MYOM3: variants seen among roughly 807,000 people sequenced by gnomAD.
The protein encoded by MYOM3 is myomesin 3.
In MYOM3, 155 loss-of-function variants were observed where a neutral mutation model predicts 191.7. That is an observed-to-expected ratio of 0.81 (90% CI 0.71 to 0.92). The LOEUF (loss-of-function observed/expected upper bound fraction) is 0.92. Ranked by LOEUF, MYOM3 falls within the 40% of genes least tolerant of loss-of-function variation. The pLI is 0.00. For missense variants in MYOM3, 1,889 were observed against 1,890.6 expected (o/e 1.00, Z 0.02); for synonymous variants, 757 against 762.9 (o/e 0.99, Z 0.13).
intron 28 of MYOM3, chr1:24,066,306 C>T (rs10903076): frequency 0.16 from 109,514 of 698,130 alleles, 9,648 homozygotes; most frequent in Middle Eastern, 0.26. Context: ...CTGCCCCATC[C>T]GGGTCAAGCA....
rs1041679782 is a variant in MYOM3, at chr1:24,094,843, G to T, written c.928+10C>A. The T allele has an allele frequency of 4.4e-6, 7 of 1,607,974 alleles. No individual in the cohort carries two copies. Among genetic ancestry groups the T allele is most frequent in the Non-Finnish European group, 5.9e-6 (7 of 1,176,666 alleles). On this transcript the variant is annotated intron_variant, in intron 9 of 36. Transcript: ENST00000374434. ...TCTGGAGGCTGGGGGCCAGGACTGGGGGTCCTTACCATCTCGGAACCACTG... is the reference window on the plus strand; with the variant it reads ...TCTGGAGGCTGGGGGCCAGGACTGGTGGTCCTTACCATCTCGGAACCACTG...
chr1:24,108,173 C>T, intron 2 of MYOM3, 100 bp from the exon 3 acceptor site: 3 of 1,161,274 alleles, frequency 2.6e-6, no homozygotes, highest in South Asian at 1.5e-5. Flanking sequence ...AGGGCACCAG[C>T]AGGCAGGGCT....
chr1:24,073,951 G>C (rs966549965), intron 23 of MYOM3, among the ~76,000 whole-genome samples: 1 of 151,458 alleles, frequency 6.6e-6, no homozygotes, highest in Non-Finnish European at 1.5e-5. Flanking sequence ...TGTCTGTTGA[G>C]TTCACTGATG....
intron 35 of MYOM3, among the ~76,000 whole-genome samples, chr1:24,059,842 G>T (rs1300589406): frequency 2.0e-5 from 3 of 152,154 alleles, no homozygotes; most frequent in African/African-American, 7.2e-5. Flanking sequence ...GGAACAGGAC[G>T]GGTGGTCAGC....
intron 20 of MYOM3, among the ~76,000 whole-genome samples, chr1:24,078,096 G>A (rs12065498): frequency 0.4 from 61,450 of 151,738 alleles, 12,751 homozygotes; most frequent in Non-Finnish European, 0.43. Flanking sequence ...GACCAGAATG[G>A]ACCATTTAGT....
At chr1:24,091,900 CG>C (rs1317109163) in intron 11 of MYOM3, among the ~76,000 whole-genome samples, 1 of 152,208 alleles carries the variant, frequency 6.6e-6, no homozygotes, top group Non-Finnish European at 1.5e-5. Flanking sequence ...AAGCACTCCC[CG>C]TTTTGCCCCT....
Position 24,057,468 on chromosome 1 carries a change from G to C in MYOM3, c.4210C>G (p.Arg1404Gly). The C allele has an allele frequency of 1.2e-6, 2 of 1,614,204 alleles. No individual in the cohort carries two copies. The highest frequency in any genetic ancestry group is 1.7e-6 in the Non-Finnish European group (2 of 1,180,042). Residue 1404 changes from arginine to glycine, a missense_variant, in exon 37 of 37, where the codon CGC (arginine) becomes GGC (glycine). Coordinates refer to ENST00000374434, the MANE Select transcript of MYOM3 (RefSeq NM_152372.4). ...TTGTTCTTGACGAAGACGCCGTAGCGGCCGCTGTCTTCACTGTTGACCTTC... is the reference window on the plus strand; with the variant it reads ...TTGTTCTTGACGAAGACGCCGTAGCCGCCGCTGTCTTCACTGTTGACCTTC... Reference protein sequence around the residue: ...IEKVNSEDSGRYGVFVKNKYG... With the variant: ...IEKVNSEDSGGYGVFVKNKYG...
intron 36 of MYOM3, 133 bp from the exon 37 acceptor site, chr1:24,057,760 T>C (rs1643320795): frequency 5.9e-6 from 4 of 676,230 alleles, no homozygotes; most frequent in Non-Finnish European, 9.9e-6. Context: ...TTTATTATAA[T>C]TTATAAAGGG....
intron 14 of MYOM3, 75 bp from the exon 15 acceptor site, chr1:24,086,902 T>C: frequency 6.8e-7 from 1 of 1,463,472 alleles, no homozygotes; most frequent in Non-Finnish European, 9.4e-7. Context: ...TCCCATGATC[T>C]CTGTCCCCAG....
intron 23 of MYOM3, 36 bp downstream of exon 23, chr1:24,074,124 C>A: frequency 6.5e-7 from 1 of 1,533,924 alleles, no homozygotes; most frequent in South Asian, 1.1e-5. Context: ...GACTCTCTCT[C>A]TGGGGAGGTG....
intron 25 of MYOM3, 147 bp downstream of exon 25, chr1:24,070,970 C>T: frequency 9.8e-7 from 1 of 1,017,270 alleles, no homozygotes; most frequent in Non-Finnish European, 1.4e-6. Flanking sequence ...GTTCCCATCC[C>T]GTCCTCATCA....
chr1:24,077,793 C>T (rs553166162), intron 20 of MYOM3, among the ~76,000 whole-genome samples: 2 of 152,286 alleles, frequency 1.3e-5, no homozygotes, highest in South Asian at 2.1e-4. Context: ...ATGCAGAAGC[C>T]GGTGCCAGAT....
At position 24,089,572 on chromosome 1, in the gene MYOM3, C is replaced by A. The variant is rs202159823; in HGVS notation, c.1580G>T (p.Arg527Leu). 6.3e-7 allele frequency: 1 copy of A among 1,598,608 alleles called. No homozygotes were observed. Among genetic ancestry groups the A allele is most frequent in the South Asian group, 1.1e-5 (1 of 88,076 alleles). The change falls in exon 14 of 37, where the codon CGG becomes CTG. Residue 527 changes from arginine to leucine, a missense_variant. Transcript: ENST00000374434. ...VVLAWEEPSP[R>L]DRAPLTYSLE... is the part of the protein sequence containing the mutation. ...GGAGTACGTCAGTGGTGCTCTGTCC[C>A]GGGGGCTGGGCTCCTCCCAGGCCAG...
rs976675197 is a variant in MYOM3, at chr1:24,066,397, G to A, written c.3424-396C>T. Reference sequence around the variant, plus strand: ...AGAGACCACTTCATCATCTTTGTACGTTCAGTACCGTGCAGAGTGGCACAA... The same window carrying A: ...AGAGACCACTTCATCATCTTTGTACATTCAGTACCGTGCAGAGTGGCACAA... On this transcript the variant is annotated intron_variant, in intron 28 of 36. Transcript: ENST00000374434. 7.2e-5 allele frequency: 44 copies of A among 611,682 alleles called. 1 individual carries two copies. The highest frequency in any genetic ancestry group is 2.2e-4 in the African/African-American group (12 of 54,046). 37.9% of individuals were successfully genotyped at this position (611,682 alleles called of 1,614,324 possible).
chr1:24,111,742 C>CTT lies in MYOM3; in HGVS notation c.-19+287_-19+288dup, dbSNP rs1235567214. Among the ~76,000 whole-genome samples, 31 of 143,066 alleles carry CTT rather than the reference C, an allele frequency of 2.2e-4. No homozygotes were observed. The highest frequency in any genetic ancestry group is 4.0e-4 in the East Asian group (2 of 4,940). The allele number at this position is 143,066 out of a possible 152,430, so 93.9% of individuals were successfully genotyped here. A position where few individuals can be genotyped will look rare whatever the true frequency, so the allele number is the denominator to read the frequency against. On this transcript the variant is annotated intron_variant, in intron 1 of 36. Coordinates refer to ENST00000374434, the MANE Select transcript of MYOM3 (RefSeq NM_152372.4). The surrounding 1 kb of genome is among the most constrained non-coding windows in gnomAD (Gnocchi z 4.7). ...TCCAGTTCCCAGGGCAGCCCCCACT[C>CTT]TTTTTTTTTTTTTTGCAACTTTCAC...
At chr1:24,068,818 T>C (rs1207977245) in intron 25 of MYOM3, among the ~76,000 whole-genome samples, 1 of 152,010 alleles carries the variant, frequency 6.6e-6, no homozygotes, top group Non-Finnish European at 1.5e-5. Flanking sequence ...CTGCCTCCCA[T>C]GTTCAAGCAA....
rs116480950 is a variant in MYOM3 at position 24,090,459 on chromosome 1, C to T, written c.1432+338G>A. On this transcript the variant is annotated intron_variant, in intron 12 of 36. Coordinates refer to ENST00000374434, the MANE Select transcript of MYOM3 (RefSeq NM_152372.4). The stretch of plus-strand genomic sequence containing the variant: ...GAGGGCTGAGAGGAGGCCGTGTCCC[C>T]GCACTCGAGCTTAAGGACATCTGAC... Among the ~76,000 whole-genome samples the T allele has an allele frequency of 8.6e-3, 1,306 of 152,304 alleles. 14 individuals carry two copies. The highest frequency in any genetic ancestry group is 0.027 in the Middle Eastern group (8 of 294).
chr1:24,067,325 CTTCTTTCTTTCTTTCTTTCTTTCTTTCT>C (rs796793986), intron 27 of MYOM3, among the ~76,000 whole-genome samples: 3 of 58,864 alleles, frequency 5.1e-5, no homozygotes, highest in African/African-American at 1.3e-4. Flanking sequence ...TCTTTCTTTC[CTTCTTTCTTTCTTTCTTTCTTTCTTTCT>C]TTCTTTCTTT....
chr1:24,086,945 C>A (rs1643757667), intron 14 of MYOM3, 118 bp from the exon 15 acceptor site: 6 of 1,038,464 alleles, frequency 5.8e-6, no homozygotes, highest in Admixed American at 4.9e-5. Context: ...TATACTCAGC[C>A]CAGGCTGCCC....
Sources: gnomAD v4.1 joint callset for allele counts (sites outside exome capture counted in the v4.1 genomes callset) on GRCh38, gnomAD v4.1.1 for gene constraint, Gnocchi (gnomAD v3.1) non-coding constraint, MANE v1.5 for transcripts, NCBI Gene and HGNC (gene_info 2026-07-23, HGNC 2026-07-21) for gene names.